Variants in TAFA1 observed in about 807,000 individuals in gnomAD.
TAFA1 encodes chemokine-like protein TAFA-1.
In TAFA1, 4 loss-of-function variants were observed where a neutral mutation model predicts 18.5. The observed-to-expected ratio is 0.22, with a 90% CI of 0.11 to 0.49. TAFA1 has a LOEUF of 0.49. Ranked by LOEUF, TAFA1 falls within the 20% of genes least tolerant of loss-of-function variation. The pLI, the probability that TAFA1 is intolerant of heterozygous loss-of-function variation, is 0.98. For synonymous variants in TAFA1, 56 were observed against 55.2 expected (o/e 1.01, Z -0.06); for missense variants, 147 against 169.0 (o/e 0.87, Z 0.72).
chr3:68,329,532 C>T (rs933400035), intron 2 of TAFA1, among the ~76,000 whole-genome samples: 4 of 152,188 alleles, frequency 2.6e-5, no homozygotes, highest in African/African-American at 9.6e-5. Context: ...AGATTGGCTT[C>T]GAAGTTCAGA....
intron 1 of TAFA1, among the ~76,000 whole-genome samples, chr3:68,005,087 A>G (rs1038802333): frequency 3.9e-5 from 6 of 152,166 alleles, no homozygotes; most frequent in Non-Finnish European, 7.4e-5. Flanking sequence ...ATTCACAAGC[A>G]GTAAATACAT....
intron 2 of TAFA1, among the ~76,000 whole-genome samples, chr3:68,272,590 A>G (rs183202336): frequency 8.7e-4 from 132 of 152,282 alleles, no homozygotes; most frequent in African/African-American, 2.9e-3. Flanking sequence ...TGGACTTTTT[A>G]AAAAGAAAGG....
intron 2 of TAFA1, among the ~76,000 whole-genome samples, chr3:68,253,986 C>A (rs1381237539): frequency 6.6e-6 from 1 of 152,034 alleles, no homozygotes; most frequent in Non-Finnish European, 1.5e-5. Context: ...ACATAATTGG[C>A]AAATCTGTAA....
At chr3:68,310,370 A>T (rs1005496027) in intron 2 of TAFA1, among the ~76,000 whole-genome samples, 4 of 152,096 alleles carry the variant, frequency 2.6e-5, no homozygotes, top group Admixed American at 6.6e-5. Context: ...AGTGTTTGTA[A>T]TTTTTTCTGG....
chr3:67,999,680 C>T (rs147203592), upstream of TAFA1, among the ~76,000 whole-genome samples: 182 of 152,014 alleles, frequency 1.2e-3, no homozygotes, highest in African/African-American at 3.6e-3. Flanking sequence ...AAAATTCCAA[C>T]ACAAATTTAG....
intron 2 of TAFA1, among the ~76,000 whole-genome samples, chr3:68,372,074 A>G (rs1433313560): frequency 6.6e-6 from 1 of 152,220 alleles, no homozygotes; most frequent in Admixed American, 6.5e-5. Flanking sequence ...TAACACATAG[A>G]AAGTATTTGA....
intron 2 of TAFA1, among the ~76,000 whole-genome samples, chr3:68,375,543 A>C (rs262199): frequency 0.97 from 147,378 of 152,248 alleles, 71,534 homozygotes; most frequent in East Asian, 1. Context: ...GCCCAATCAA[A>C]TTTCATGCCT....
chr3:68,068,295 C>T (rs1270065905), intron 2 of TAFA1, among the ~76,000 whole-genome samples: 1 of 152,178 alleles, frequency 6.6e-6, no homozygotes, highest in East Asian at 1.9e-4. Context: ...TTCAAGTTGT[C>T]ATTTTGTCTA....
intron 2 of TAFA1, among the ~76,000 whole-genome samples, chr3:68,077,448 C>T (rs1231133383): frequency 2.2e-5 from 3 of 137,446 alleles, no homozygotes; most frequent in South Asian, 2.5e-4. Context: ...TTAGGTCTAA[C>T]GTTTAAGTCT....
chr3:68,511,800 T>A (rs930899973), intron 3 of TAFA1, among the ~76,000 whole-genome samples: 4 of 152,062 alleles, frequency 2.6e-5, no homozygotes, highest in Non-Finnish European at 5.9e-5. Context: ...AAATATGTTA[T>A]TTTAAAATTA....
At chr3:68,410,040 G>A (rs549894630) in intron 2 of TAFA1, among the ~76,000 whole-genome samples, 22 of 152,292 alleles carry the variant, frequency 1.4e-4, no homozygotes, top group African/African-American at 5.3e-4. Flanking sequence ...TGGGAAGGAG[G>A]CATCCATTGC....
At chr3:68,527,056 G>A (rs2106764412) in intron 3 of TAFA1, among the ~76,000 whole-genome samples, 1 of 152,216 alleles carries the variant, frequency 6.6e-6, no homozygotes, top group African/African-American at 2.4e-5. Context: ...GATTCCTTGT[G>A]TTCCTTGCTA....
chr3:68,443,300 G>C (rs2071418348), intron 3 of TAFA1, among the ~76,000 whole-genome samples: 1 of 151,704 alleles, frequency 6.6e-6, no homozygotes, highest in Non-Finnish European at 1.5e-5. Context: ...TCTTATATCT[G>C]GCCACCAAAT....
At chr3:68,389,166 G>A (rs1376396522) in intron 2 of TAFA1, among the ~76,000 whole-genome samples, 4 of 152,044 alleles carry the variant, frequency 2.6e-5, no homozygotes, top group African/African-American at 4.8e-5. Flanking sequence ...ATTCTGCCTC[G>A]GGGGACTTTG....
At chr3:68,047,512 T>G (rs1407628313) in intron 2 of TAFA1, among the ~76,000 whole-genome samples, 2 of 152,172 alleles carry the variant, frequency 1.3e-5, no homozygotes, top group Non-Finnish European at 2.9e-5. Flanking sequence ...CCAGAATTAA[T>G]GGGATCTATT....
intron 2 of TAFA1, among the ~76,000 whole-genome samples, chr3:68,029,039 C>A (rs1046577356): frequency 1.3e-5 from 2 of 152,136 alleles, no homozygotes; most frequent in East Asian, 3.9e-4. Flanking sequence ...ACGCATGAGC[C>A]ACCATGACTG....
chr3:68,400,833 T>G (rs1258358435), intron 2 of TAFA1, among the ~76,000 whole-genome samples: 1 of 152,168 alleles, frequency 6.6e-6, no homozygotes, highest in African/African-American at 2.4e-5. Flanking sequence ...GTCGGGAATG[T>G]GCAATCTTCC....
chr3:68,544,662 C>A lies in TAFA1; in HGVS notation c.*159C>A. The A allele has an allele frequency of 1.5e-6, 1 of 673,894 alleles. No homozygotes were observed. The highest frequency in any genetic ancestry group is 1.8e-5 in the African/African-American group (1 of 54,790). 41.7% of individuals were successfully genotyped at this position (673,894 alleles called of 1,614,324 possible). On this transcript the variant is annotated 3_prime_UTR_variant, in exon 5 of 5. Coordinates refer to ENST00000478136, the MANE Select transcript of TAFA1 (RefSeq NM_213609.4). ...GCGTTTACTGTGTGTAACGAAATATCCTACAGTGAGAAGACACAGCGTTTT... is the reference window on the plus strand; with the variant it reads ...GCGTTTACTGTGTGTAACGAAATATACTACAGTGAGAAGACACAGCGTTTT...
At chr3:68,183,119 C>T (rs6809593) in intron 2 of TAFA1, among the ~76,000 whole-genome samples, 147,044 of 152,240 alleles carry the variant, frequency 0.97, 71,050 homozygotes, top group African/African-American at 0.99. Context: ...CCTGCCCCAT[C>T]GCTTTGGGTG....
Sources: gnomAD v4.1 joint callset for allele counts (sites outside exome capture counted in the v4.1 genomes callset) on GRCh38, gnomAD v4.1.1 for gene constraint, MANE v1.5 for transcripts, NCBI Gene and HGNC (gene_info 2026-07-23, HGNC 2026-07-21) for gene names.